The following PINX1 variants were observed in gnomAD, a reference collection of about 807,000 sequenced individuals.
PINX1 encodes PIN2/TERF1-interacting telomerase inhibitor 1.
PINX1 carries 34 observed loss-of-function variants against 25.4 expected under a neutral mutation model. The observed-to-expected ratio is 1.34, with a 90% confidence interval of 1.02 to 1.78. PINX1 has a LOEUF of 1.78. Among genes scored for constraint, PINX1 ranks in the 40% most tolerant of loss-of-function variants. The pLI, the probability that PINX1 is intolerant of heterozygous loss-of-function variation, is 0.00. For missense variants in PINX1, 592 were observed against 404.9 expected (o/e 1.46, Z -3.97); for synonymous variants, 197 against 147.7 (o/e 1.33, Z -2.42).
chr8:10,799,061 A>C (rs921058009), intron 6 of PINX1, among the ~76,000 whole-genome samples: 24 of 152,240 alleles, frequency 1.6e-4, no homozygotes, highest in Non-Finnish European at 2.8e-4. Flanking sequence ...CTTTCTTGGG[A>C]AACTGATCAT....
chr8:10,834,551 A>C lies in PINX1; in HGVS notation c.129+115T>G, dbSNP rs1338057409. The C allele has an allele frequency of 2.8e-6, 4 of 1,417,042 alleles. No individual in the cohort carries two copies. The African/African-American group carries it at 5.8e-5, about 20-fold the overall frequency. The allele number at this position is 1,417,042 out of a possible 1,614,324, so 87.8% of individuals were successfully genotyped here. A position where few individuals can be genotyped will look rare whatever the true frequency, so the allele number is the denominator to read the frequency against. ...ACAACAATTTTTGATTTGGGATCAAAATCACTTACTGATCCAAAGCATAAG... is the reference window on the plus strand; with the variant it reads ...ACAACAATTTTTGATTTGGGATCAACATCACTTACTGATCCAAAGCATAAG... On this transcript the variant is annotated intron_variant, in intron 2 of 6. Coordinates refer to ENST00000314787, the MANE Select transcript of PINX1 (RefSeq NM_017884.6).
chr8:10,831,617 T>G, intron 4 of PINX1, 48 bp downstream of exon 4: 3 of 1,164,456 alleles, frequency 2.6e-6, no homozygotes, highest in Non-Finnish European at 3.8e-6. Context: ...AAACAAAAAG[T>G]AGATAAACAT....
intron 1 of PINX1, among the ~76,000 whole-genome samples, chr8:10,838,597 G>T (rs1174240215): frequency 6.6e-6 from 1 of 152,134 alleles, no homozygotes; most frequent in Non-Finnish European, 1.5e-5. Context: ...AGTGCATGCT[G>T]AATTAAGCAA....
intron 6 of PINX1, among the ~76,000 whole-genome samples, chr8:10,766,681 T>A (rs1801059734): frequency 1.3e-5 from 2 of 152,364 alleles, no homozygotes; most frequent in Middle Eastern, 6.8e-3. Flanking sequence ...TTTTTAAATG[T>A]GAGTTACTCA....
At position 10,765,176 on chromosome 8, in the gene PINX1, A is replaced by G. The variant is rs1310931316; in HGVS notation, c.*225T>C. On this transcript the variant is annotated 3_prime_UTR_variant, in exon 7 of 7. Transcript: ENST00000314787. ...TGAAGGGCTCAGAGTTTACAAAAAA[A>G]TTTATTTGTGTCTGAGAGCCACGAT... 1.9e-6 allele frequency: 1 copy of G among 522,550 alleles called. No individual in the cohort carries two copies. Among genetic ancestry groups the G allele is most frequent in the Non-Finnish European group, 3.3e-6 (1 of 298,848 alleles). 32.4% of individuals were successfully genotyped at this position (522,550 alleles called of 1,614,324 possible). A position where few individuals can be genotyped will look rare whatever the true frequency, so the allele number is the denominator to read the frequency against.
At chr8:10,817,525 TAG>T (rs1240245027) in intron 6 of PINX1, among the ~76,000 whole-genome samples, 2 of 152,246 alleles carry the variant, frequency 1.3e-5, no homozygotes, top group African/African-American at 4.8e-5. Flanking sequence ...AAGATAAATG[TAG>T]AGGTCATTTT....
Position 10,824,812 on chromosome 8 carries a change from C to T in PINX1, c.394+1340G>A, listed in dbSNP as rs77296617. On this transcript the variant is annotated intron_variant, in intron 5 of 6. Coordinates refer to ENST00000314787, the MANE Select transcript of PINX1 (RefSeq NM_017884.6). ...TTATTAATTTGCTCTGCAACAGCAC[C>T]TTCTGTGATCTCTAGTTTTTCTCTA... Among the ~76,000 whole-genome samples, 1,047 of 152,330 alleles carry T rather than the reference C, an allele frequency of 6.9e-3. 11 individuals are homozygous for T. Among genetic ancestry groups the T allele is most frequent in the African/African-American group, 0.022 (925 of 41,570 alleles).
intron 6 of PINX1, among the ~76,000 whole-genome samples, chr8:10,804,235 C>A (rs1042897963): frequency 2.0e-5 from 3 of 152,206 alleles, no homozygotes; most frequent in Admixed American, 6.5e-5. Flanking sequence ...GATGTCACTG[C>A]GGTGTTAGCC....
At position 10,771,815 on chromosome 8, in the gene PINX1, C is replaced by T. The variant is rs143058515; in HGVS notation, c.472-5899G>A. On this transcript the variant is annotated intron_variant, in intron 6 of 6. Coordinates refer to ENST00000314787, the MANE Select transcript of PINX1 (RefSeq NM_017884.6). ...TCCTCCCATCCACATGAAACCACCC[C>T]CTTCTCATCAGATAGCACCTTCCCT... Among the ~76,000 whole-genome samples, 193 of 152,324 alleles carry T rather than the reference C, an allele frequency of 1.3e-3. 1 individual carries two copies. The highest frequency in any genetic ancestry group is 4.5e-3 in the African/African-American group (188 of 41,580).
chr8:10,797,039 T>G (rs1247170384), intron 6 of PINX1, among the ~76,000 whole-genome samples: 1 of 152,030 alleles, frequency 6.6e-6, no homozygotes, highest in Non-Finnish European at 1.5e-5. Context: ...ACAGCTTGAA[T>G]GGAAGCTGAT....
intron 6 of PINX1, among the ~76,000 whole-genome samples, chr8:10,812,503 T>G (rs1408567750): frequency 4.6e-5 from 7 of 152,226 alleles, no homozygotes; most frequent in African/African-American, 1.2e-4. Context: ...GGCCAGCAGC[T>G]CTGCCAGCCC....
intron 4 of PINX1, among the ~76,000 whole-genome samples, chr8:10,830,885 A>G (rs76171958): frequency 7.2e-4 from 109 of 152,330 alleles, no homozygotes; most frequent in African/African-American, 2.4e-3. Context: ...AGAAAACAGT[A>G]CGGCAGCTCC....
intron 5 of PINX1, chr8:10,825,490 T>G: frequency 3.8e-6 from 2 of 533,280 alleles, no homozygotes; most frequent in South Asian, 2.8e-5. Flanking sequence ...TTAAATTGCT[T>G]CTTTCCAATG....
chr8:10,803,187 G>C (rs1390494798), intron 6 of PINX1, among the ~76,000 whole-genome samples: 1 of 152,114 alleles, frequency 6.6e-6, no homozygotes, highest in Admixed American at 6.5e-5. Flanking sequence ...TTACATCATT[G>C]CTTTGTTCTT....
intron 6 of PINX1, among the ~76,000 whole-genome samples, chr8:10,809,434 A>C (rs1195334793): frequency 3.9e-5 from 6 of 152,222 alleles, no homozygotes; most frequent in Non-Finnish European, 5.9e-5. Flanking sequence ...TCCTTTTATC[A>C]AAAGCTGTGC....
intron 6 of PINX1, among the ~76,000 whole-genome samples, chr8:10,793,158 T>A (rs72552394): frequency 6.6e-6 from 1 of 152,170 alleles, no homozygotes; most frequent in Non-Finnish European, 1.5e-5. Flanking sequence ...CTTCAAGAAG[T>A]GTAAGCTTGA....
rs768467753 is a variant in PINX1 at position 10,765,728 on chromosome 8, T to C, written c.660A>G (p.Thr220=). 36 of 1,613,904 alleles carry C rather than the reference T, an allele frequency of 2.2e-5. No homozygotes were observed. The highest frequency in any genetic ancestry group is 3.1e-5 in the Non-Finnish European group (36 of 1,179,888). ...KRGKKRNKEA[T]GKDVESYLQP... ...GGAGGTAACTTTCCACATCTTTACC[T>C]GTGGCCTCTTTATTTCTTTTCTTCC... The change falls in exon 7 of 7, where the codon ACA becomes ACG. Residue 220 remains threonine, a synonymous_variant. Coordinates refer to ENST00000314787, the MANE Select transcript of PINX1 (RefSeq NM_017884.6).
At chr8:10,786,546 A>G (rs1801753413) in intron 6 of PINX1, among the ~76,000 whole-genome samples, 2 of 152,194 alleles carry the variant, frequency 1.3e-5, no homozygotes, top group Non-Finnish European at 2.9e-5. Flanking sequence ...AGCCTACTTT[A>G]GGAAAATTAA....
At chr8:10,805,263 C>A (rs56122299) in intron 6 of PINX1, among the ~76,000 whole-genome samples, 24,406 of 152,262 alleles carry the variant, frequency 0.16, 2,452 homozygotes, top group Non-Finnish European at 0.23. Context: ...ACAGGAGGCA[C>A]ACGCAAAAGA....
Sources: gnomAD v4.1 joint callset for allele counts (sites outside exome capture counted in the v4.1 genomes callset) on GRCh38, gnomAD v4.1.1 for gene constraint, MANE v1.5 for transcripts, NCBI Gene and HGNC (gene_info 2026-07-23, HGNC 2026-07-21) for gene names.